NUF2: variants seen among roughly 807,000 people sequenced by gnomAD.
NUF2 encodes NUF2 component of NDC80 kinetochore complex, also known as kinetochore protein Nuf2.
A neutral mutation model predicts 61.8 loss-of-function variants in NUF2; 34 were observed. The observed-to-expected ratio is 0.55, with a 90% CI of 0.42 to 0.73. NUF2 has a LOEUF of 0.73. Ranked by LOEUF, NUF2 falls within the 30% of genes least tolerant of loss-of-function variation. NUF2 has a pLI of 0.00. For missense variants in NUF2, 445 were observed against 539.1 expected (o/e 0.83, Z 1.73); for synonymous variants, 172 against 181.6 (o/e 0.95, Z 0.42).
chr1:163,328,375 A>C (rs1006385645), intron 4 of NUF2, 71 bp downstream of exon 4: 102 of 977,936 alleles, frequency 1.0e-4, no homozygotes, highest in Non-Finnish European at 1.5e-4. Context: ...TCTTAATGAC[A>C]TGGTTTTCTT....
At chr1:163,326,242 G>T (rs770230716) in intron 2 of NUF2, 68 bp downstream of exon 2, 4 of 1,496,928 alleles carry the variant, frequency 2.7e-6, no homozygotes, top group Non-Finnish European at 3.6e-6. Flanking sequence ...TAGGTCTATT[G>T]TGTGGCAAGA....
chr1:163,354,036 A>T (rs918296087), intron 13 of NUF2, among the ~76,000 whole-genome samples: 1 of 152,176 alleles, frequency 6.6e-6, no homozygotes, highest in African/African-American at 2.4e-5. Flanking sequence ...TCTTTTTTGG[A>T]ATGAATAAAC....
chr1:163,330,638 T>C (rs887029033), intron 5 of NUF2, among the ~76,000 whole-genome samples: 3 of 152,142 alleles, frequency 2.0e-5, no homozygotes, highest in Non-Finnish European at 2.9e-5. Flanking sequence ...TTACTTTTAA[T>C]GTATTGTTCA....
intron 13 of NUF2, among the ~76,000 whole-genome samples, chr1:163,350,027 C>T (rs1305319762): frequency 6.6e-6 from 1 of 151,490 alleles, no homozygotes; most frequent in East Asian, 1.9e-4. Flanking sequence ...ATTGGCTGGG[C>T]GCGGTGGCTC....
intron 5 of NUF2, among the ~76,000 whole-genome samples, chr1:163,334,064 G>T (rs1445957971): frequency 6.6e-6 from 1 of 152,128 alleles, no homozygotes; most frequent in Non-Finnish European, 1.5e-5. Context: ...GTGACAATGT[G>T]CAGTATTTGA....
chr1:163,325,255 G>GT (rs1385626252), intron 1 of NUF2, among the ~76,000 whole-genome samples: 4 of 152,180 alleles, frequency 2.6e-5, no homozygotes, highest in East Asian at 3.9e-4. Flanking sequence ...CCTATACATC[G>GT]TAAGATGTTT....
rs1241407588 is a variant in NUF2 at position 163,347,917 on chromosome 1, A to G, written c.1103A>G (p.Gln368Arg). Residue 368 changes from glutamine (Q) to arginine (R), a missense_variant, in exon 12 of 14, where the codon CAA (glutamine) becomes CGA (arginine). Gln to Arg is a conservative substitution (Grantham distance 43). Transcript: ENST00000271452. ...KINKKHEDVKQYKRTVIEDCN... is the reference protein window; with the variant it reads ...KINKKHEDVKRYKRTVIEDCN... The stretch of plus-strand genomic sequence containing the variant: ...AATAAGAAGCATGAAGATGTTAAGC[A>G]ATACAAACGCACAGTAATTGAGTAT... 6.3e-7 allele frequency: 1 copy of G among 1,598,870 alleles called. No individual in the cohort carries two copies. The highest frequency in any genetic ancestry group is 8.5e-7 in the Non-Finnish European group (1 of 1,174,644).
At chr1:163,329,625 T>C (rs1650535025) in intron 5 of NUF2, among the ~76,000 whole-genome samples, 1 of 152,168 alleles carries the variant, frequency 6.6e-6, no homozygotes. Flanking sequence ...CACACACTTT[T>C]AAGTGACCAG....
rs575489039 is a variant in NUF2, at chr1:163,325,695, T to A, written c.-20-337T>A. Among the ~76,000 whole-genome samples the A allele has an allele frequency of 3.3e-5, 5 of 152,250 alleles. No individual in the cohort carries two copies. The South Asian group carries it at 1.0e-3, about 32-fold the overall frequency. On this transcript the variant is annotated intron_variant, in intron 1 of 13. Transcript: ENST00000271452. ...TTTGAGAATTAATTATTAGGATTGG[T>A]CTTGTTAAGCTCCGTGGCCCTCAAA...
intron 5 of NUF2, among the ~76,000 whole-genome samples, chr1:163,332,507 T>C (rs981391785): frequency 2.0e-5 from 3 of 152,168 alleles, no homozygotes; most frequent in Non-Finnish European, 4.4e-5. Flanking sequence ...AAGTTCAAAA[T>C]TGGTTTCACT....
intron 10 of NUF2, 118 bp downstream of exon 10, chr1:163,343,988 A>G: frequency 1.2e-5 from 6 of 497,848 alleles, no homozygotes; most frequent in Non-Finnish European, 1.9e-5. Context: ...TTCCTCTTAA[A>G]CTTTTTTGAC....
intron 8 of NUF2, among the ~76,000 whole-genome samples, chr1:163,339,998 C>A (rs1466349857): frequency 2.0e-5 from 3 of 152,158 alleles, no homozygotes; most frequent in African/African-American, 4.8e-5. Flanking sequence ...TATATCCAAT[C>A]TGAAATATAC....
At chr1:163,331,444 A>C (rs1054755635) in intron 5 of NUF2, among the ~76,000 whole-genome samples, 1 of 151,804 alleles carries the variant, frequency 6.6e-6, no homozygotes, top group South Asian at 2.1e-4. Context: ...TTCATGATGG[A>C]TATTGTTCTG....
rs1023091875 is a variant in NUF2, at chr1:163,355,237, ATAT to A, written c.1261-95_1261-93del. ...TGTGCATAAGAATTTAGGCTTTAAA[ATAT>A]TAATAAATATGAATAAACTTGGAAT... On this transcript the variant is annotated intron_variant, in intron 13 of 13. Transcript: ENST00000271452. The A allele has an allele frequency of 3.4e-5, 31 of 917,140 alleles. No homozygotes were observed. In the African/African-American group the frequency reaches 3.7e-4, roughly 11 times the overall value. 56.8% of individuals were successfully genotyped at this position (917,140 alleles called of 1,614,324 possible).
At chr1:163,336,417 C>A (rs574530750) in intron 5 of NUF2, among the ~76,000 whole-genome samples, 1 of 152,070 alleles carries the variant, frequency 6.6e-6, no homozygotes, top group Non-Finnish European at 1.5e-5. Context: ...TCATTTGTTT[C>A]TCTTGGAGAT....
chr1:163,337,471 C>G (rs958624735), intron 6 of NUF2, among the ~76,000 whole-genome samples: 1 of 152,060 alleles, frequency 6.6e-6, no homozygotes, highest in South Asian at 2.1e-4. Flanking sequence ...CTTTACTGAG[C>G]TATATAGATC....
At position 163,329,325 on chromosome 1, in the gene NUF2, T is replaced by C. The variant is rs76818612; in HGVS notation, c.337+418T>C. 3.2e-3 allele frequency among the ~76,000 whole-genome samples: 495 copies of C among 152,320 alleles called. 2 individuals are homozygous for C. Among genetic ancestry groups the C allele is most frequent in the African/African-American group, 0.012 (480 of 41,560 alleles). On this transcript the variant is annotated intron_variant, in intron 5 of 13. Transcript: ENST00000271452. ...TTAGAATGTAAAATTCTAGCTTTAA[T>C]TGTCCTTAAATTCGACTTTGATATT...
chr1:163,329,540 A>C (rs1650532919), intron 5 of NUF2, among the ~76,000 whole-genome samples: 1 of 152,162 alleles, frequency 6.6e-6, no homozygotes. Context: ...CTGGAAGCTT[A>C]GTCATGACAG....
chr1:163,327,770 A>G (rs1375390212), intron 3 of NUF2: 6 of 503,136 alleles, frequency 1.2e-5, no homozygotes, highest in Non-Finnish European at 1.7e-5. Context: ...ATTTAGTAAG[A>G]TGAAAACCAT....
Sources: allele counts gnomAD v4.1 joint callset (sites outside exome capture counted in the v4.1 genomes callset), GRCh38; gene constraint gnomAD v4.1.1; transcripts MANE v1.5; gene names NCBI Gene and HGNC (gene_info 2026-07-23, HGNC 2026-07-21).